The following ATF6 variants were observed in gnomAD, a reference collection of about 807,000 sequenced individuals.
The protein encoded by ATF6 is cyclic AMP-dependent transcription factor ATF-6 alpha.
Under a neutral mutation model 83.6 loss-of-function variants are expected in ATF6, and 53 were observed. The ratio of observed to expected loss-of-function variants is 0.63; its 90% CI spans 0.51 to 0.80. ATF6 has a LOEUF of 0.80. Ranked by LOEUF, ATF6 falls within the 30% of genes least tolerant of loss-of-function variation. ATF6 has a pLI of 0.00. For missense variants in ATF6, 744 were observed against 797.9 expected, an observed-to-expected ratio of 0.93 and a Z score of 0.81; for synonymous variants, 288 against 285.8, an observed-to-expected ratio of 1.01 and a Z score of -0.08.
chr1:161,825,219 G>A (rs1373568032), intron 9 of ATF6, among the ~76,000 whole-genome samples: 1 of 152,136 alleles, frequency 6.6e-6, no homozygotes, highest in Non-Finnish European at 1.5e-5. Context: ...TGGGACTACA[G>A]GTGCACCTCA....
chr1:161,908,342 A>G (rs1687918634), intron 14 of ATF6, among the ~76,000 whole-genome samples: 1 of 152,218 alleles, frequency 6.6e-6, no homozygotes. Flanking sequence ...TTTCTTAAAA[A>G]GACAAGAAAC....
At chr1:161,818,484 A>G (rs2101781318) in intron 7 of ATF6, among the ~76,000 whole-genome samples, 1 of 152,246 alleles carries the variant, frequency 6.6e-6, no homozygotes. Context: ...AGGTGGGGAA[A>G]GAGAGAGAGA....
At chr1:161,811,939 C>T (rs1685476194) in intron 7 of ATF6, among the ~76,000 whole-genome samples, 1 of 152,172 alleles carries the variant, frequency 6.6e-6, no homozygotes, top group Non-Finnish European at 1.5e-5. Context: ...ATAGTTCAAT[C>T]ACCTGTCAAT....
At chr1:161,879,751 T>C (rs1326248792) in intron 14 of ATF6, among the ~76,000 whole-genome samples, 1 of 152,146 alleles carries the variant, frequency 6.6e-6, no homozygotes. Context: ...ATCAGGCATC[T>C]TTGAAATTTC....
intron 15 of ATF6, among the ~76,000 whole-genome samples, chr1:161,945,223 G>A (rs188262019): frequency 1.6e-3 from 243 of 152,324 alleles, no homozygotes; most frequent in Non-Finnish European, 1.9e-3. Context: ...AGAATGGCAC[G>A]TTAATTACAG....
At position 161,881,996 on chromosome 1, in the gene ATF6, C is replaced by T. The variant is rs112104785; in HGVS notation, c.1719+18684C>T. 9.8e-3 allele frequency among the ~76,000 whole-genome samples: 1,494 copies of T among 152,026 alleles called. 8 individuals carry two copies. Among genetic ancestry groups the T allele is most frequent in the South Asian group, 0.017 (83 of 4,818 alleles). On this transcript the variant is annotated intron_variant, in intron 14 of 15. Coordinates refer to ENST00000367942, the MANE Select transcript of ATF6 (RefSeq NM_007348.4). ...AAGTTCATTTTGTGTGTGTGGATAT[C>T]CAGTATTGTATGATATTCAATGCTG...
Position 161,824,402 on chromosome 1 carries a change from A to AG in ATF6, c.1187+3242dup, listed in dbSNP as rs1685838734. 5.3e-5 allele frequency among the ~76,000 whole-genome samples: 8 copies of AG among 150,376 alleles called. No individual in the cohort carries two copies. The South Asian group carries it at 1.7e-3, about 32-fold the overall frequency. ...GGTCAAAATTAAAAAAAAAAAAAAA[A>AG]GCTCAAATGCCACCCCTGTGAGGCT... On this transcript the variant is annotated intron_variant, in intron 9 of 15. Coordinates refer to ENST00000367942, the MANE Select transcript of ATF6 (RefSeq NM_007348.4).
intron 14 of ATF6, among the ~76,000 whole-genome samples, chr1:161,880,436 C>T (rs1287001058): frequency 6.6e-6 from 1 of 151,708 alleles, no homozygotes; most frequent in Non-Finnish European, 1.5e-5. Flanking sequence ...TTTTGTTTCT[C>T]ATGCCCCTTT....
rs186984177 is a variant in ATF6, at chr1:161,773,110, C to T, written c.83-5134C>T. Among the ~76,000 whole-genome samples, 62 of 150,958 alleles carry T rather than the reference C, an allele frequency of 4.1e-4. 1 individual carries two copies. In the East Asian group the frequency reaches 0.011, roughly 27 times the overall value. On this transcript the variant is annotated intron_variant, in intron 1 of 15. Coordinates refer to ENST00000367942, the MANE Select transcript of ATF6 (RefSeq NM_007348.4). ...CTTCCTGAGTAGCTGAGATTACAGG[C>T]GCCTGCCACCATGCCCGGCTACTTT... is the stretch of plus-strand genomic sequence containing the variant.
At chr1:161,841,822 G>A (rs1293461960) in intron 9 of ATF6, among the ~76,000 whole-genome samples, 1 of 152,144 alleles carries the variant, frequency 6.6e-6, no homozygotes, top group East Asian at 1.9e-4. Context: ...CCACTTATGA[G>A]CCAAACCAAT....
chr1:161,931,422 A>G (rs1688430623), intron 15 of ATF6, among the ~76,000 whole-genome samples: 1 of 152,190 alleles, frequency 6.6e-6, no homozygotes. Context: ...TTCAGACGAA[A>G]TAATATATAT....
chr1:161,792,950 G>A (rs1018992526), intron 6 of ATF6, among the ~76,000 whole-genome samples: 3 of 152,120 alleles, frequency 2.0e-5, no homozygotes, highest in African/African-American at 2.4e-5. Context: ...AGTCATTTCC[G>A]TATGGAGATC....
At position 161,860,234 on chromosome 1, in the gene ATF6, C is replaced by T; in HGVS notation, c.1561C>T (p.Gln521Ter). ...TGCTCTGGAACAGGGCTCAAATTCT[C>T]AGCTGATGGCTGTTCAATACACAGA... ...QGALEQGSNS[Q>*]LMAVQYTETT... Residue 521 changes from glutamine to a stop codon, truncating the protein, a stop_gained, in exon 13 of 16, where the codon CAG becomes TAG. Transcript: ENST00000367942. LOFTEE classifies it high-confidence loss of function. The T allele has an allele frequency of 1.3e-6, 2 of 1,592,852 alleles. No individual in the cohort carries two copies. Among genetic ancestry groups the T allele is most frequent in the Non-Finnish European group, 1.7e-6 (2 of 1,168,174 alleles).
At chr1:161,956,396 T>C (rs1311610771) in intron 15 of ATF6, among the ~76,000 whole-genome samples, 1 of 152,198 alleles carries the variant, frequency 6.6e-6, no homozygotes, top group African/African-American at 2.4e-5. Context: ...AATCTGAACT[T>C]AGTCACGTGT....
At chr1:161,915,497 C>G (rs1328045004) in intron 15 of ATF6, among the ~76,000 whole-genome samples, 2 of 152,204 alleles carry the variant, frequency 1.3e-5, no homozygotes, top group Non-Finnish European at 2.9e-5. Context: ...AAGGTAATTT[C>G]TTCCTTTTGG....
chr1:161,867,755 A>G (rs942621043), intron 14 of ATF6, among the ~76,000 whole-genome samples: 4 of 152,248 alleles, frequency 2.6e-5, no homozygotes, highest in African/African-American at 4.8e-5. Context: ...GTAAGTAAAC[A>G]CGTAAAGTGT....
chr1:161,897,288 G>C (rs1447640261), intron 14 of ATF6, among the ~76,000 whole-genome samples: 1 of 151,812 alleles, frequency 6.6e-6, no homozygotes, highest in Non-Finnish European at 1.5e-5. Context: ...CAAAAAGTTA[G>C]CCGGGCATGG....
At position 161,958,627 on chromosome 1, in the gene ATF6, C is replaced by T. The variant is rs1168379076; in HGVS notation, c.1986C>T (p.Val662=). 1.9e-6 allele frequency: 3 copies of T among 1,613,430 alleles called. No homozygotes were observed. Among genetic ancestry groups the T allele is most frequent in the South Asian group, 1.1e-5 (1 of 90,954 alleles). ...PPAATEATHV[V]STIPESLQ is the part of the protein sequence containing the mutation. ...CAGCCACAGAGGCAACCCACGTTGT[C>T]AGCACCATCCCTGAGTCATTACAAT... is the stretch of plus-strand genomic sequence containing the variant. Residue 662 remains valine (V), a synonymous_variant, in exon 16 of 16, where the codon GTC becomes GTT. Transcript: ENST00000367942.
chr1:161,826,426 TC>T (rs1399205814), intron 9 of ATF6, among the ~76,000 whole-genome samples: 1 of 152,122 alleles, frequency 6.6e-6, no homozygotes, highest in African/African-American at 2.4e-5. Context: ...GAGATGATGG[TC>T]CCTATTTTAT....
Sources: gnomAD v4.1 joint callset for allele counts (sites outside exome capture counted in the v4.1 genomes callset) on GRCh38, gnomAD v4.1.1 for gene constraint, MANE v1.5 for transcripts, NCBI Gene and HGNC (gene_info 2026-07-23, HGNC 2026-07-21) for gene names.